PHACTR1: variants seen among roughly 807,000 people sequenced by gnomAD.
PHACTR1 encodes phosphatase and actin regulator 1, also known as RPEL repeat containing 1.
PHACTR1 carries 16 observed loss-of-function variants against 69.2 expected under a neutral mutation model. That is an observed-to-expected ratio of 0.23 (90% CI 0.16 to 0.35). PHACTR1 has a LOEUF of 0.35. Ranked by LOEUF, PHACTR1 falls within the 10% of genes least tolerant of loss-of-function variation. PHACTR1 has a pLI of 1.00. For missense variants in PHACTR1, 510 were observed against 734.7 expected, an observed-to-expected ratio of 0.69 and a Z score of 3.54; for synonymous variants, 312 against 284.5, an observed-to-expected ratio of 1.10 and a Z score of -0.97.
At chr6:12,985,748 G>A (rs1441003443) in intron 4 of PHACTR1, among the ~76,000 whole-genome samples, 1 of 151,858 alleles carries the variant, frequency 6.6e-6, no homozygotes, top group African/African-American at 2.4e-5. Flanking sequence ...TCACAATTAT[G>A]TAGATGAATC....
At chr6:13,203,966 C>T (rs1409483925) in intron 7 of PHACTR1, among the ~76,000 whole-genome samples, 1 of 152,142 alleles carries the variant, frequency 6.6e-6, no homozygotes, top group Non-Finnish European at 1.5e-5. Flanking sequence ...GCCACCTGGT[C>T]AACTTTGTTG....
At chr6:13,146,714 C>T (rs1404661206) in intron 5 of PHACTR1, among the ~76,000 whole-genome samples, 1 of 152,208 alleles carries the variant, frequency 6.6e-6, no homozygotes, top group East Asian at 1.9e-4. Flanking sequence ...TTGGGCAATA[C>T]ACTTCTATCA....
intron 7 of PHACTR1, among the ~76,000 whole-genome samples, chr6:13,195,986 G>A (rs1027556227): frequency 2.6e-5 from 4 of 152,104 alleles, no homozygotes; most frequent in African/African-American, 4.8e-5. Flanking sequence ...TGACATTCAC[G>A]GTTTGGGTTT....
chr6:12,869,544 C>T (rs1781810897), intron 4 of PHACTR1, among the ~76,000 whole-genome samples: 1 of 152,216 alleles, frequency 6.6e-6, no homozygotes, highest in African/African-American at 2.4e-5. Context: ...ACCACCCTTG[C>T]ACCTTCCCCT....
In PHACTR1 at chr6:12,861,162, A is replaced by G. The variant is rs190162930; in HGVS notation, c.250+111372A>G. On this transcript the variant is annotated intron_variant, in intron 4 of 14. Transcript: ENST00000332995. ...GTTGTGTTGACATTTAATAGAGAAC[A>G]CACTTTGTTTATTCAGGGACTTCTC... Among the ~76,000 whole-genome samples, 17 of 152,342 alleles carry G rather than the reference A, an allele frequency of 1.1e-4. No individual in the cohort carries two copies. In the South Asian group the frequency reaches 2.1e-3, roughly 19 times the overall value.
intron 3 of PHACTR1, among the ~76,000 whole-genome samples, chr6:12,747,152 T>C (rs1765889568): frequency 1.3e-5 from 2 of 152,198 alleles, no homozygotes; most frequent in Admixed American, 1.3e-4. Context: ...GCATATGTCA[T>C]AGAACAGTGA....
chr6:12,779,097 A>C (rs1770471993), intron 4 of PHACTR1, among the ~76,000 whole-genome samples: 1 of 152,190 alleles, frequency 6.6e-6, no homozygotes, highest in South Asian at 2.1e-4. Context: ...GCACTTTGAG[A>C]GGCCGAGGCT....
chr6:13,268,098 G>A (rs962982413), intron 10 of PHACTR1, among the ~76,000 whole-genome samples: 2 of 151,936 alleles, frequency 1.3e-5, no homozygotes, highest in African/African-American at 4.8e-5. Context: ...GAAACCGCAT[G>A]TCTACTAAAA....
rs73725623 is a variant in PHACTR1 at position 13,206,050 on chromosome 6, C to T, written c.900C>T (p.Thr300=). Residue 300 remains threonine, a synonymous_variant, in exon 8 of 15, where the codon ACC becomes ACT. Coordinates refer to ENST00000332995, the MANE Select transcript of PHACTR1 (RefSeq NM_030948.6). ...ACGGCCAGCACCTCCCCTCCACCACCGGCTCCCTCCCCATGCACCCCTCGG... is the reference window on the plus strand; with the variant it reads ...ACGGCCAGCACCTCCCCTCCACCACTGGCTCCCTCCCCATGCACCCCTCGG... The part of the protein sequence containing the change: ...GSHGQHLPST[T]GSLPMHPSGC... The T allele has an allele frequency of 0.027, 43,370 of 1,613,784 alleles. 1,904 individuals carry two copies. The highest frequency in any genetic ancestry group is 0.22 in the East Asian group (9,843 of 44,860).
At chr6:13,146,413 C>A (rs372076897) in intron 5 of PHACTR1, among the ~76,000 whole-genome samples, 1 of 152,158 alleles carries the variant, frequency 6.6e-6, no homozygotes, top group African/African-American at 2.4e-5. Context: ...ATAATAAGAA[C>A]AACCAAAAAC....
chr6:12,961,990 G>T (rs995501635), intron 4 of PHACTR1, among the ~76,000 whole-genome samples: 1 of 152,152 alleles, frequency 6.6e-6, no homozygotes, highest in African/African-American at 2.4e-5. Flanking sequence ...GTGCAGTGGT[G>T]TGATCTCAGC....
At chr6:12,868,425 A>G (rs562292934) in intron 4 of PHACTR1, among the ~76,000 whole-genome samples, 2 of 152,270 alleles carry the variant, frequency 1.3e-5, no homozygotes, top group South Asian at 2.1e-4. Context: ...ATGAAAATAC[A>G]TATTCTGGAG....
chr6:12,722,765 G>A (rs1260485622), intron 3 of PHACTR1, among the ~76,000 whole-genome samples: 3 of 152,178 alleles, frequency 2.0e-5, no homozygotes, highest in East Asian at 1.9e-4. Context: ...GTTGCAGAGA[G>A]CAGAAAATGT....
intron 3 of PHACTR1, among the ~76,000 whole-genome samples, chr6:12,741,172 A>C (rs1764989812): frequency 6.6e-6 from 1 of 151,982 alleles, no homozygotes; most frequent in African/African-American, 2.4e-5. Flanking sequence ...CATCTCACAT[A>C]CTTTAATATG....
At chr6:13,176,739 GT>G (rs1344813850) in intron 6 of PHACTR1, among the ~76,000 whole-genome samples, 1 of 151,840 alleles carries the variant, frequency 6.6e-6, no homozygotes, top group Non-Finnish European at 1.5e-5. Flanking sequence ...TTTATTTTTA[GT>G]TTTTGGATCT....
chr6:12,797,037 G>C lies in PHACTR1; in HGVS notation c.250+47247G>C, dbSNP rs1032669187. Among the ~76,000 whole-genome samples, 313 of 134,364 alleles carry C rather than the reference G, an allele frequency of 2.3e-3. 1 individual carries two copies. Among genetic ancestry groups the C allele is most frequent in the African/African-American group, 7.4e-3 (283 of 38,040 alleles). The allele number at this position is 134,364 out of a possible 152,430, so 88.1% of individuals were successfully genotyped here. ...TGTGTGTGTGTGTGTGTGTGTGTGT[G>C]TGTGAGAGAGAGAGAGAGAGGGATA... On this transcript the variant is annotated intron_variant, in intron 4 of 14. Transcript: ENST00000332995.
chr6:12,887,681 A>G (rs1783771631), intron 4 of PHACTR1, among the ~76,000 whole-genome samples: 1 of 152,208 alleles, frequency 6.6e-6, no homozygotes, highest in African/African-American at 2.4e-5. Flanking sequence ...TGCTCAGGAT[A>G]CACAGATGGG....
rs547451134 is a variant in PHACTR1, at chr6:13,178,474, C to T, written c.497-4045C>T. 6.6e-5 allele frequency among the ~76,000 whole-genome samples: 10 copies of T among 152,366 alleles called. No individual in the cohort carries two copies. The East Asian group carries it at 1.9e-3, about 29-fold the overall frequency. On this transcript the variant is annotated intron_variant, in intron 6 of 14. Transcript: ENST00000332995. ...ACCAGCAAAAGGAGCACTAACATCA[C>T]CCAAGGACTTATTAGATGTGCACAT...
chr6:13,259,120 ATTC>A (rs2127415240), intron 10 of PHACTR1, among the ~76,000 whole-genome samples: 1 of 152,280 alleles, frequency 6.6e-6, no homozygotes, highest in Admixed American at 6.5e-5. Context: ...ATTTTGATGG[ATTC>A]TTCTTGTAAA....
Sources: allele counts gnomAD v4.1 joint callset (sites outside exome capture counted in the v4.1 genomes callset), GRCh38; gene constraint gnomAD v4.1.1; transcripts MANE v1.5; gene names NCBI Gene and HGNC (gene_info 2026-07-23, HGNC 2026-07-21).